UVRAG: variants seen among roughly 807,000 people sequenced by gnomAD.
UVRAG encodes the protein UV radiation resistance associated.
UVRAG carries 19 observed loss-of-function variants against 78.0 expected under a neutral mutation model. That is an observed-to-expected ratio of 0.24 (90% CI 0.17 to 0.36). UVRAG has a LOEUF of 0.36. Among genes scored for constraint, UVRAG ranks in the 10% least tolerant of loss-of-function variants. The probability of loss-of-function intolerance (pLI) is 1.00; values close to 1 mark genes in which losing one functional copy is unlikely to be tolerated. For missense variants in UVRAG, 740 were observed against 853.8 expected (o/e 0.87, Z 1.66); for synonymous variants, 323 against 324.6 (o/e 1.00, Z 0.05).
At chr11:75,828,854 C>T (rs1376670026) in intron 1 of UVRAG, among the ~76,000 whole-genome samples, 12 of 131,798 alleles carry the variant, frequency 9.1e-5, no homozygotes, top group Non-Finnish European at 1.7e-4. Context: ...ACTACAGGTG[C>T]GCATGGTGCG....
chr11:76,081,575 T>G (rs1326087700), intron 13 of UVRAG, among the ~76,000 whole-genome samples: 2 of 152,096 alleles, frequency 1.3e-5, no homozygotes, highest in African/African-American at 4.8e-5. Flanking sequence ...GTAAATAATC[T>G]TTTCATTTCC....
chr11:75,940,339 CCTTAATTGA>C (rs1422421312), intron 6 of UVRAG, among the ~76,000 whole-genome samples: 2 of 152,068 alleles, frequency 1.3e-5, no homozygotes, highest in African/African-American at 2.4e-5. Flanking sequence ...ATAAAGGTGA[CCTTAATTGA>C]CTTAAGAGTC....
intron 6 of UVRAG, among the ~76,000 whole-genome samples, chr11:75,918,874 A>C (rs144728782): frequency 3.0e-4 from 45 of 152,334 alleles, no homozygotes; most frequent in African/African-American, 1.1e-3. Flanking sequence ...AAAGGTGATG[A>C]AAATGCAATC....
At chr11:76,125,841 A>C (rs1235983368) in intron 14 of UVRAG, among the ~76,000 whole-genome samples, 1 of 152,170 alleles carries the variant, frequency 6.6e-6, no homozygotes, top group Non-Finnish European at 1.5e-5. Context: ...TGTATTAGCC[A>C]GTTTTCCTTG....
At chr11:76,015,744 C>G (rs7116263) in intron 11 of UVRAG, among the ~76,000 whole-genome samples, 29,706 of 151,998 alleles carry the variant, frequency 0.2, 5,064 homozygotes, top group African/African-American at 0.46. Flanking sequence ...GTAGTGCTTA[C>G]GTAATTAAGT....
At chr11:76,064,619 A>C (rs1307176929) in intron 12 of UVRAG, among the ~76,000 whole-genome samples, 1 of 152,198 alleles carries the variant, frequency 6.6e-6, no homozygotes, top group African/African-American at 2.4e-5. Context: ...CTATAATTTT[A>C]TAGTGTAACA....
Position 75,879,917 on chromosome 11 carries a change from A to C in UVRAG, c.309A>C (p.Pro103=). Reference sequence around the variant, plus strand: ...GAAGTCTCGATTTTGGAATTATGCCAGACCGTCTTGATACATCTGTGTCTT... The same window carrying C: ...GAAGTCTCGATTTTGGAATTATGCCCGACCGTCTTGATACATCTGTGTCTT... The part of the protein sequence containing the change: ...TWRSLDFGIM[P]DRLDTSVSCF... The change falls in exon 4 of 15, where the codon CCA becomes CCC. Residue 103 remains proline, a synonymous_variant. Transcript: ENST00000356136. 6.2e-7 allele frequency: 1 copy of C among 1,614,220 alleles called. No individual in the cohort carries two copies. Among genetic ancestry groups the C allele is most frequent in the Non-Finnish European group, 8.5e-7 (1 of 1,180,024 alleles).
intron 8 of UVRAG, among the ~76,000 whole-genome samples, chr11:75,986,917 C>T (rs912434392): frequency 6.6e-6 from 1 of 152,216 alleles, no homozygotes; most frequent in Non-Finnish European, 1.5e-5. Flanking sequence ...GGTTCATCCA[C>T]ACTGTATCAT....
intron 8 of UVRAG, 145 bp from the exon 9 acceptor site, chr11:76,003,860 C>T (rs1269684111): frequency 3.0e-6 from 2 of 670,438 alleles, no homozygotes; most frequent in Non-Finnish European, 2.6e-6. Context: ...TCTAGCTACT[C>T]TCCCCAAAAA....
chr11:75,856,248 C>A (rs1329092620), intron 2 of UVRAG, among the ~76,000 whole-genome samples: 1 of 152,182 alleles, frequency 6.6e-6, no homozygotes, highest in Non-Finnish European at 1.5e-5. Flanking sequence ...CGTGATCCGC[C>A]TGCCTCGGCC....
At chr11:76,097,363 T>G (rs999634079) in intron 13 of UVRAG, among the ~76,000 whole-genome samples, 1 of 152,156 alleles carries the variant, frequency 6.6e-6, no homozygotes, top group African/African-American at 2.4e-5. Flanking sequence ...TCTCTCGTGC[T>G]TCTGGGGATT....
At position 76,141,371 on chromosome 11, in the gene UVRAG, C is replaced by A. The variant is rs750215089; in HGVS notation, c.2058C>A (p.Asn686Lys). ...FSRRIYALNENVSSFRRPRRS... is the reference protein window; with the variant it reads ...FSRRIYALNEKVSSFRRPRRS... The stretch of plus-strand genomic sequence containing the variant: ...GAAGGATCTATGCACTGAATGAAAA[C>A]GTATCCAGCTTCCGCCGGCCGCGCA... The change falls in exon 15 of 15, where the codon AAC (asparagine) becomes AAA (lysine). Residue 686 changes from asparagine (N) to lysine (K), a missense_variant. Transcript: ENST00000356136. 2 of 1,614,052 alleles carry A rather than the reference C, an allele frequency of 1.2e-6. No homozygotes were observed. The highest frequency in any genetic ancestry group is 2.2e-5 in the East Asian group (1 of 44,890).
intron 14 of UVRAG, among the ~76,000 whole-genome samples, chr11:76,134,374 C>T (rs994954449): frequency 2.6e-5 from 4 of 151,844 alleles, no homozygotes; most frequent in African/African-American, 9.7e-5. Context: ...AGTGATCCTC[C>T]CACCTCAGCC....
chr11:76,081,213 T>G (rs1298952508), intron 13 of UVRAG, among the ~76,000 whole-genome samples: 1 of 151,784 alleles, frequency 6.6e-6, no homozygotes, highest in Non-Finnish European at 1.5e-5. Context: ...CCAGTCTCTC[T>G]CTTTTTTTTT....
intron 12 of UVRAG, among the ~76,000 whole-genome samples, chr11:76,052,745 C>G (rs184006704): frequency 2.6e-5 from 4 of 152,174 alleles, no homozygotes; most frequent in Admixed American, 2.0e-4. Flanking sequence ...TTTTCTGGCT[C>G]CTTCTCCCCA....
chr11:76,026,035 T>A (rs746902105), intron 12 of UVRAG, among the ~76,000 whole-genome samples: 3 of 152,152 alleles, frequency 2.0e-5, no homozygotes, highest in Non-Finnish European at 4.4e-5. Context: ...GCAGGCTGAT[T>A]CCTTATCTCT....
At chr11:76,001,795 G>A (rs1169307114) in intron 8 of UVRAG, among the ~76,000 whole-genome samples, 2 of 152,144 alleles carry the variant, frequency 1.3e-5, no homozygotes, top group African/African-American at 4.8e-5. Flanking sequence ...AAATAAAAAG[G>A]AGTTAATGAT....
intron 14 of UVRAG, among the ~76,000 whole-genome samples, chr11:76,119,225 T>TC (rs1952234824): frequency 6.6e-6 from 1 of 152,182 alleles, no homozygotes; most frequent in Non-Finnish European, 1.5e-5. Flanking sequence ...GAAACACTCT[T>TC]CCTTGTTATC....
At chr11:76,129,352 C>A (rs1011884127) in intron 14 of UVRAG, among the ~76,000 whole-genome samples, 1 of 152,190 alleles carries the variant, frequency 6.6e-6, no homozygotes, top group African/African-American at 2.4e-5. Context: ...TTTCTTCATT[C>A]CTCTCTGAAT....
Sources: gnomAD v4.1 joint callset for allele counts (sites outside exome capture counted in the v4.1 genomes callset) on GRCh38, gnomAD v4.1.1 for gene constraint, MANE v1.5 for transcripts, NCBI Gene and HGNC (gene_info 2026-07-23, HGNC 2026-07-21) for gene names.